The following HADHA variants were observed in gnomAD, a reference collection of about 807,000 sequenced individuals.
HADHA encodes trifunctional enzyme subunit alpha, mitochondrial.
HADHA carries 59 observed loss-of-function variants against 91.3 expected under a neutral mutation model. The ratio of observed to expected loss-of-function variants is 0.65; its 90% CI spans 0.52 to 0.80. The LOEUF is 0.80. Ranked by LOEUF, HADHA falls within the 30% of genes least tolerant of loss-of-function variation. HADHA has a pLI of 0.00. For missense variants in HADHA, 800 were observed against 927.6 expected (o/e 0.86, Z 1.79); for synonymous variants, 320 against 338.9 (o/e 0.94, Z 0.61).
At position 26,221,296 on chromosome 2, in the gene HADHA, T is replaced by C. The variant is rs1416417911; in HGVS notation, c.677-6121A>G. Among the ~76,000 whole-genome samples the C allele has an allele frequency of 6.6e-6, 1 of 152,186 alleles. No individual in the cohort carries two copies. Among genetic ancestry groups the C allele is most frequent in the Non-Finnish European group, 1.5e-5 (1 of 68,030 alleles). The stretch of plus-strand genomic sequence containing the variant: ...CAGAGGTGCTGTCTGGAGTCTTTAA[T>C]AGATCTCTATTAGGTGAATCACAAC... On this transcript the variant is annotated intron_variant, in intron 7 of 19. Coordinates refer to ENST00000380649, the MANE Select transcript of HADHA (RefSeq NM_000182.5). This position sits in a 1 kb window ranked among gnomAD's most constrained non-coding sequence, Gnocchi z 4.8.
rs1670551539 is a variant in HADHA at position 26,229,116 on chromosome 2, G to A, written c.676+1076C>T. ...GGCACTTTGGGTGGCTGAGGGAGGA[G>A]GATTACTTGAGCCCGGAGTTTGAGA... On this transcript the variant is annotated intron_variant, in intron 7 of 19. Transcript: ENST00000380649. This position sits in a 1 kb window ranked among gnomAD's most constrained non-coding sequence, Gnocchi z 4.3. Among the ~76,000 whole-genome samples the A allele has an allele frequency of 1.3e-5, 2 of 152,236 alleles. No homozygotes were observed. Among genetic ancestry groups the A allele is most frequent in the African/African-American group, 2.4e-5 (1 of 41,550 alleles).
At chr2:26,241,490 A>C (rs1392648875) in intron 1 of HADHA, among the ~76,000 whole-genome samples, 2 of 151,338 alleles carry the variant, frequency 1.3e-5, no homozygotes, top group East Asian at 1.9e-4. Flanking sequence ...AAAAAAAAAA[A>C]CAAAAAAAAA....
intron 7 of HADHA, among the ~76,000 whole-genome samples, chr2:26,220,321 C>T (rs1574618275): frequency 6.6e-6 from 1 of 152,152 alleles, no homozygotes; most frequent in East Asian, 1.9e-4. Context: ...TATGCTCTGA[C>T]TTGTAGAGTA....
chr2:26,244,630 T>C lies in HADHA; in HGVS notation c.-34A>G, dbSNP rs1167726784. 6.4e-7 allele frequency: 1 copy of C among 1,559,628 alleles called. No individual in the cohort carries two copies. The highest frequency in any genetic ancestry group is 1.9e-5 in the Admixed American group (1 of 51,954). On this transcript the variant is annotated 5_prime_UTR_variant, in exon 1 of 20. Coordinates refer to ENST00000380649, the MANE Select transcript of HADHA (RefSeq NM_000182.5). Reference sequence around the variant, plus strand: ...GAAGAGGACAGCAGTGGAGAGCGCCTCTAACGGGTGCGGCCGAGCGGAGGA... The same window carrying C: ...GAAGAGGACAGCAGTGGAGAGCGCCCCTAACGGGTGCGGCCGAGCGGAGGA...
intron 10 of HADHA, among the ~76,000 whole-genome samples, chr2:26,211,715 C>A (rs575890076): frequency 6.6e-6 from 1 of 152,160 alleles, no homozygotes; most frequent in African/African-American, 2.4e-5. Flanking sequence ...CTTCGATGAT[C>A]GTTTAAAACT....
intron 17 of HADHA, among the ~76,000 whole-genome samples, chr2:26,193,230 G>T (rs1416444412): frequency 6.6e-6 from 1 of 151,612 alleles, no homozygotes; most frequent in African/African-American, 2.4e-5. Flanking sequence ...AGCCCCAGAA[G>T]GGTAGAACTC....
Position 26,201,136 on chromosome 2 carries a change from G to A in HADHA, c.1392+13C>T. 1 of 1,596,508 alleles carries A rather than the reference G, an allele frequency of 6.3e-7. No homozygotes were observed. The highest frequency in any genetic ancestry group is 8.6e-7 in the Non-Finnish European group (1 of 1,164,062). On this transcript the variant is annotated intron_variant, in intron 13 of 19. Coordinates refer to ENST00000380649, the MANE Select transcript of HADHA (RefSeq NM_000182.5). The stretch of plus-strand genomic sequence containing the variant: ...ACTACACTAGGATTCAAGTACAACA[G>A]CCCCTTGCTTACCGCTTCTACTTCC...
At chr2:26,232,421 A>T (rs1330122192) in intron 5 of HADHA, 142 bp from the exon 6 acceptor site, 1 of 667,356 alleles carries the variant, frequency 1.5e-6, no homozygotes, top group African/African-American at 1.8e-5. Flanking sequence ...GCATTTAATA[A>T]TTTCTAGAAT....
At chr2:26,217,375 G>A (rs1048692991) in intron 7 of HADHA, among the ~76,000 whole-genome samples, 2 of 152,106 alleles carry the variant, frequency 1.3e-5, no homozygotes, top group Admixed American at 1.3e-4. Flanking sequence ...TCCAAAAAGG[G>A]GAGGGAGACA....
At chr2:26,223,220 G>C (rs973434574) in intron 7 of HADHA, among the ~76,000 whole-genome samples, 1 of 152,178 alleles carries the variant, frequency 6.6e-6, no homozygotes, top group Non-Finnish European at 1.5e-5. Flanking sequence ...AGGCAGCAGA[G>C]GGCGGGTACT....
chr2:26,199,430 CT>C (rs1428638821), intron 13 of HADHA: 3 of 152,212 alleles, frequency 2.0e-5, no homozygotes, highest in African/African-American at 7.2e-5. Flanking sequence ...TGTCAGAAAG[CT>C]TACGTAGTGT....
At chr2:26,191,709 G>A (rs1669510835) in intron 18 of HADHA, 81 bp from the exon 19 acceptor site, 3 of 1,436,392 alleles carry the variant, frequency 2.1e-6, no homozygotes, top group South Asian at 1.1e-5. Context: ...AATGGAAGTC[G>A]GGATGGGTGC....
chr2:26,202,722 T>C lies in HADHA; in HGVS notation c.1220+1340A>G, dbSNP rs529895904. 2.8e-4 allele frequency among the ~76,000 whole-genome samples: 43 copies of C among 152,314 alleles called. No individual in the cohort carries two copies. In the South Asian group the frequency reaches 8.5e-3, roughly 30 times the overall value. ...CACCATTGTGCTCTAGCCTCGGTAATAGAGTGAGACTGTCTCAAAAGAAAC... is the reference window on the plus strand; with the variant it reads ...CACCATTGTGCTCTAGCCTCGGTAACAGAGTGAGACTGTCTCAAAAGAAAC... On this transcript the variant is annotated intron_variant, in intron 12 of 19. Coordinates refer to ENST00000380649, the MANE Select transcript of HADHA (RefSeq NM_000182.5).
Position 26,221,995 on chromosome 2 carries a change from G to A in HADHA, c.677-6820C>T, listed in dbSNP as rs1228318714. ...TGAAAAACTGTTGGCAAGGTGTTAT[G>A]GGCTGAATTGTGTCCCCCCTACCTC... On this transcript the variant is annotated intron_variant, in intron 7 of 19. Transcript: ENST00000380649. This position sits in a 1 kb window ranked among gnomAD's most constrained non-coding sequence, Gnocchi z 4.8. Among the ~76,000 whole-genome samples, 1 of 152,118 alleles carries A rather than the reference G, an allele frequency of 6.6e-6. No individual in the cohort carries two copies. Among genetic ancestry groups the A allele is most frequent in the Non-Finnish European group, 1.5e-5 (1 of 67,986 alleles).
chr2:26,201,170 T>C lies in HADHA; in HGVS notation c.1371A>G (p.Arg457=), dbSNP rs769101063. The change falls in exon 13 of 20, where the codon AGA becomes AGG. Residue 457 remains arginine (R), a synonymous_variant. Coordinates refer to ENST00000380649, the MANE Select transcript of HADHA (RefSeq NM_000182.5). ...TTACCGCTTCTACTTCCTTTAGCAC[T>C]CTGTGCTTAAGACTAAGGTCCTCAA... ...AVFEDLSLKH[R]VLKEVEAVIP... The C allele has an allele frequency of 2.5e-6, 4 of 1,613,098 alleles. No homozygotes were observed. The highest frequency in any genetic ancestry group is 1.3e-5 in the African/African-American group (1 of 75,032).
At chr2:26,195,472 C>A (rs182590702) in intron 14 of HADHA, among the ~76,000 whole-genome samples, 170 of 152,136 alleles carry the variant, frequency 1.1e-3, no homozygotes, top group Admixed American at 0.01. Context: ...GACATCTGAT[C>A]CTCCCAACAA....
chr2:26,235,767 G>A (rs572967128), intron 4 of HADHA, among the ~76,000 whole-genome samples: 1 of 152,104 alleles, frequency 6.6e-6, no homozygotes, highest in Non-Finnish European at 1.5e-5. Flanking sequence ...ATATTTTAAT[G>A]GAATTGACAA....
Position 26,210,301 on chromosome 2 carries a change from A to G in HADHA, c.976-412T>C, listed in dbSNP as rs543168163. Reference sequence around the variant, plus strand: ...ACTTTGCTCAAGGCTATACTGCCTCAAAGTGGCAGAAATGGAACTTGAACC... The same window carrying G: ...ACTTTGCTCAAGGCTATACTGCCTCGAAGTGGCAGAAATGGAACTTGAACC... On this transcript the variant is annotated intron_variant, in intron 10 of 19. Transcript: ENST00000380649. The surrounding 1 kb of genome is among the most constrained non-coding windows in gnomAD (Gnocchi z 4.0). Among the ~76,000 whole-genome samples, 2 of 152,356 alleles carry G rather than the reference A, an allele frequency of 1.3e-5. No homozygotes were observed. The highest frequency in any genetic ancestry group is 4.1e-4 in the South Asian group (2 of 4,826).
intron 7 of HADHA, among the ~76,000 whole-genome samples, chr2:26,219,566 T>C (rs1574617816): frequency 6.6e-6 from 1 of 152,326 alleles, no homozygotes; most frequent in East Asian, 1.9e-4. Flanking sequence ...CCCAGCATCT[T>C]TGCTCTGTGG....
Sources: gnomAD v4.1 joint callset for allele counts (sites outside exome capture counted in the v4.1 genomes callset) on GRCh38, gnomAD v4.1.1 for gene constraint, Gnocchi (gnomAD v3.1) non-coding constraint, MANE v1.5 for transcripts, NCBI Gene and HGNC (gene_info 2026-07-23, HGNC 2026-07-21) for gene names.